TAS2R1: variants seen among roughly 807,000 people sequenced by gnomAD.
TAS2R1 encodes taste 2 receptor member 1, also known as taste receptor type 2 member 1.
For synonymous variants in TAS2R1, 141 were observed against 134.2 expected, an observed-to-expected ratio of 1.05 and a Z score of -0.35; for missense variants, 370 against 353.4, an observed-to-expected ratio of 1.05 and a Z score of -0.38.
At chr5:9,758,776 C>T in the TAS2R1 span, among the ~76,000 whole-genome samples, 1 of 152,206 alleles carries the variant, frequency 6.6e-6, no homozygotes, top group African/African-American at 2.4e-5. Flanking sequence ...CAGGCTTCGG[C>T]AGCCCATGAG....
chr5:9,703,550 A>G (rs1163841413), intron 1 of TAS2R1, among the ~76,000 whole-genome samples: 2 of 152,234 alleles, frequency 1.3e-5, no homozygotes, highest in South Asian at 2.1e-4. Context: ...AACAACATAT[A>G]CACAAAGCAC....
At chr5:9,825,136 T>C in the TAS2R1 span, among the ~76,000 whole-genome samples, 1 of 152,228 alleles carries the variant, frequency 6.6e-6, no homozygotes, top group Non-Finnish European at 1.5e-5. Context: ...AATAGCAATG[T>C]CTAATACTAT....
the TAS2R1 span, among the ~76,000 whole-genome samples, chr5:9,772,304 G>T: frequency 3.3e-5 from 5 of 152,072 alleles, no homozygotes; most frequent in Admixed American, 2.0e-4. Flanking sequence ...CCATGTGTTT[G>T]TATAGTTTCC....
At chr5:9,654,064 A>T (rs1019877674) in intron 2 of TAS2R1, among the ~76,000 whole-genome samples, 2 of 152,170 alleles carry the variant, frequency 1.3e-5, no homozygotes, top group African/African-American at 2.4e-5. Flanking sequence ...TCACAGCCAT[A>T]TCTGGAGCAG....
chr5:9,891,205 A>T, the TAS2R1 span, among the ~76,000 whole-genome samples: 1 of 152,222 alleles, frequency 6.6e-6, no homozygotes, highest in South Asian at 2.1e-4. Flanking sequence ...GAAAACAGCA[A>T]ATCACAACAG....
At chr5:9,640,513 A>C (rs1003093230) in intron 2 of TAS2R1, among the ~76,000 whole-genome samples, 257 of 150,502 alleles carry the variant, frequency 1.7e-3, no homozygotes, top group South Asian at 8.8e-3. Context: ...AAAAAAAAAA[A>C]AAAAAAAAAC....
intron 1 of TAS2R1, among the ~76,000 whole-genome samples, chr5:9,682,546 C>A (rs1363308070): frequency 6.6e-6 from 1 of 152,152 alleles, no homozygotes; most frequent in East Asian, 1.9e-4. Flanking sequence ...GAAATAAATA[C>A]TCCCTGCACC....
At chr5:9,854,277 G>A in the TAS2R1 span, 47 of 149,196 alleles carry the variant, frequency 3.2e-4, no homozygotes, top group Admixed American at 6.0e-4. Flanking sequence ...TTTTTTTTAA[G>A]AAGGACACCA....
chr5:9,753,512 ATGG>A, the TAS2R1 span, among the ~76,000 whole-genome samples: 1 of 152,000 alleles, frequency 6.6e-6, no homozygotes, highest in Non-Finnish European at 1.5e-5. Context: ...GTTCACTCTG[ATGG>A]TGGTTTCTTT....
chr5:9,710,248 C>T (rs1017750844), intron 1 of TAS2R1, among the ~76,000 whole-genome samples: 5 of 152,142 alleles, frequency 3.3e-5, no homozygotes, highest in Non-Finnish European at 7.3e-5. Context: ...GATTGGCTGT[C>T]TCCTTTACAA....
chr5:9,702,311 C>A (rs1357695406), intron 1 of TAS2R1, among the ~76,000 whole-genome samples: 2 of 152,138 alleles, frequency 1.3e-5, no homozygotes, highest in African/African-American at 4.8e-5. Flanking sequence ...AATTTTGCAA[C>A]CCGCCCTCAG....
In TAS2R1 at chr5:9,630,147, A is replaced by G; in HGVS notation, c.-115T>C. ...GACTCCTCTGGGGAAGAAGACTAAC[A>G]ATAAAGGCATGGGGCAGGAAGGTGG... On this transcript the variant is annotated 5_prime_UTR_variant, in exon 1 of 1. Coordinates refer to ENST00000382492, the MANE Select transcript of TAS2R1 (RefSeq NM_019599.3). 1.2e-6 allele frequency: 1 copy of G among 850,632 alleles called. No homozygotes were observed. The highest frequency in any genetic ancestry group is 1.8e-6 in the Non-Finnish European group (1 of 569,372). 52.7% of individuals were successfully genotyped at this position (850,632 alleles called of 1,614,324 possible). A position where few individuals can be genotyped will look rare whatever the true frequency, so the allele number is the denominator to read the frequency against.
chr5:9,632,880 T>C (rs1313410948), upstream of TAS2R1, among the ~76,000 whole-genome samples: 1 of 152,056 alleles, frequency 6.6e-6, no homozygotes, highest in Non-Finnish European at 1.5e-5. Flanking sequence ...CCTGTTATTG[T>C]TGGTGTTTTT....
chr5:9,737,957 G>A, the TAS2R1 span, among the ~76,000 whole-genome samples: 3 of 152,300 alleles, frequency 2.0e-5, no homozygotes, highest in African/African-American at 7.2e-5. Context: ...CACTCTAAGA[G>A]GGAGGGTGCA....
chr5:9,845,917 A>C, the TAS2R1 span, among the ~76,000 whole-genome samples: 1 of 152,252 alleles, frequency 6.6e-6, no homozygotes, highest in Non-Finnish European at 1.5e-5. Context: ...AACACCAACC[A>C]AACAAAAATA....
chr5:9,880,409 AAAACCTAAGTACAGTT>A, the TAS2R1 span, among the ~76,000 whole-genome samples: 1 of 152,206 alleles, frequency 6.6e-6, no homozygotes, highest in Non-Finnish European at 1.5e-5. Flanking sequence ...CATAGAGATG[AAAACCTAAGTACAGTT>A]AAACCTAAGA....
At chr5:9,848,612 AT>A in the TAS2R1 span, among the ~76,000 whole-genome samples, 21 of 152,330 alleles carry the variant, frequency 1.4e-4, no homozygotes, top group East Asian at 3.7e-3. Context: ...CACAAAAAAA[AT>A]AATGTGGAAG....
chr5:9,674,989 C>T (rs966248092), intron 1 of TAS2R1, among the ~76,000 whole-genome samples: 2 of 151,326 alleles, frequency 1.3e-5, no homozygotes, highest in African/African-American at 4.9e-5. Flanking sequence ...GCTAATAAGT[C>T]GTTATAGCAA....
intron 1 of TAS2R1, among the ~76,000 whole-genome samples, chr5:9,690,976 A>T (rs1741238447): frequency 6.6e-6 from 1 of 152,204 alleles, no homozygotes; most frequent in Non-Finnish European, 1.5e-5. Flanking sequence ...CTCACTCGAC[A>T]AAGTGTGCGT....
Sources: allele counts gnomAD v4.1 joint callset (sites outside exome capture counted in the v4.1 genomes callset), GRCh38; gene constraint gnomAD v4.1.1; transcripts MANE v1.5; gene names NCBI Gene and HGNC (gene_info 2026-07-23, HGNC 2026-07-21).